Variants in R3HCC1L observed in about 807,000 individuals in gnomAD.
R3HCC1L encodes coiled-coil domain-containing protein R3HCC1L.
Under a neutral mutation model 59.9 loss-of-function variants are expected in R3HCC1L, and 51 were observed. The ratio of observed to expected loss-of-function variants is 0.85; its 90% CI spans 0.68 to 1.07. The LOEUF (loss-of-function observed/expected upper bound fraction) is 1.07. Ranked by LOEUF, R3HCC1L falls within the 50% of genes least tolerant of loss-of-function variation. The pLI is 0.00. For missense variants in R3HCC1L, 965 were observed against 933.0 expected, an observed-to-expected ratio of 1.03 and a Z score of -0.45; for synonymous variants, 322 against 315.2, an observed-to-expected ratio of 1.02 and a Z score of -0.23.
At chr10:98,218,181 C>T (rs1447425211) in intron 5 of R3HCC1L, among the ~76,000 whole-genome samples, 1 of 151,750 alleles carries the variant, frequency 6.6e-6, no homozygotes, top group African/African-American at 2.4e-5. Context: ...AGGTATGTTT[C>T]TTCTATTTCT....
intron 4 of R3HCC1L, among the ~76,000 whole-genome samples, chr10:98,164,153 T>C (rs1847714641): frequency 6.6e-6 from 1 of 152,214 alleles, no homozygotes; most frequent in East Asian, 1.9e-4. Context: ...AATATACTCA[T>C]GTGCTGCTGA....
chr10:98,215,975 A>G (rs1271817922), intron 5 of R3HCC1L, among the ~76,000 whole-genome samples: 1 of 152,230 alleles, frequency 6.6e-6, no homozygotes, highest in East Asian at 1.9e-4. Context: ...AAGACAGAAC[A>G]TGAGCAGAAA....
At chr10:98,204,119 A>G (rs1413127431) in intron 4 of R3HCC1L, among the ~76,000 whole-genome samples, 2 of 152,230 alleles carry the variant, frequency 1.3e-5, no homozygotes, top group African/African-American at 4.8e-5. Flanking sequence ...AAAAGAGAGA[A>G]AATAATCGGC....
At chr10:98,243,705 A>G (rs987004357) in intron 9 of R3HCC1L, among the ~76,000 whole-genome samples, 1 of 152,220 alleles carries the variant, frequency 6.6e-6, no homozygotes, top group African/African-American at 2.4e-5. Flanking sequence ...CATATCCTTG[A>G]TACTTATTGA....
intron 4 of R3HCC1L, among the ~76,000 whole-genome samples, chr10:98,198,433 G>GT (rs1286377748): frequency 6.6e-6 from 1 of 151,722 alleles, no homozygotes; most frequent in East Asian, 1.9e-4. Flanking sequence ...TGAGAAGAAA[G>GT]AATACTCTTG....
Position 98,236,178 on chromosome 10 carries a change from G to T in R3HCC1L, c.2269+14G>T. 6.2e-7 allele frequency: 1 copy of T among 1,613,186 alleles called. No individual in the cohort carries two copies. The highest frequency in any genetic ancestry group is 8.5e-7 in the Non-Finnish European group (1 of 1,179,608). ...AAGAAGCCAGAGGTGAGCTGAAAGG[G>T]TGGTGTTCTTCTCTAGGCCCTTCAG... On this transcript the variant is annotated intron_variant, in intron 9 of 9. Transcript: ENST00000298999.
intron 9 of R3HCC1L, among the ~76,000 whole-genome samples, chr10:98,239,287 A>T (rs956720548): frequency 2.0e-5 from 3 of 152,200 alleles, no homozygotes; most frequent in Non-Finnish European, 4.4e-5. Flanking sequence ...CTCTCCATCC[A>T]TTACAAGTGG....
At chr10:98,233,672 T>C (rs1029273156) in intron 6 of R3HCC1L, among the ~76,000 whole-genome samples, 7 of 152,206 alleles carry the variant, frequency 4.6e-5, no homozygotes, top group Non-Finnish European at 8.8e-5. Context: ...AACTGTTATG[T>C]CATCATCCTG....
chr10:98,191,618 A>G (rs1850863313), intron 4 of R3HCC1L, among the ~76,000 whole-genome samples: 1 of 152,116 alleles, frequency 6.6e-6, no homozygotes, highest in Admixed American at 6.5e-5. Flanking sequence ...GTGCACTCTG[A>G]TGGTAGTTTC....
chr10:98,190,332 A>T (rs1850692917), intron 4 of R3HCC1L, among the ~76,000 whole-genome samples: 2 of 151,960 alleles, frequency 1.3e-5, no homozygotes, highest in African/African-American at 4.8e-5. Flanking sequence ...TATATTTTTT[A>T]TTTTATTATT....
intron 4 of R3HCC1L, among the ~76,000 whole-genome samples, chr10:98,177,565 C>G (rs1300049682): frequency 6.6e-6 from 1 of 152,194 alleles, no homozygotes; most frequent in Non-Finnish European, 1.5e-5. Context: ...ATGGCTGGGT[C>G]AAATGGTATT....
intron 5 of R3HCC1L, among the ~76,000 whole-genome samples, chr10:98,229,377 C>T (rs1016143161): frequency 9.7e-5 from 13 of 133,986 alleles, no homozygotes; most frequent in African/African-American, 3.4e-4. Flanking sequence ...CATGATTTGG[C>T]TGTTTGTCTG....
At chr10:98,149,829 T>A (rs1455875302) in intron 1 of R3HCC1L, among the ~76,000 whole-genome samples, 1 of 152,236 alleles carries the variant, frequency 6.6e-6, no homozygotes, top group African/African-American at 2.4e-5. Context: ...TCAGGCTGAT[T>A]TCTTCTAGTG....
chr10:98,225,041 TA>T (rs1341286879), intron 5 of R3HCC1L, among the ~76,000 whole-genome samples: 4 of 152,224 alleles, frequency 2.6e-5, no homozygotes, highest in Admixed American at 2.6e-4. Flanking sequence ...GTAATCGGTA[TA>T]AAAAATTATT....
At chr10:98,135,737 C>G (rs555825140) in intron 1 of R3HCC1L, among the ~76,000 whole-genome samples, 1 of 152,310 alleles carries the variant, frequency 6.6e-6, no homozygotes, top group African/African-American at 2.4e-5. Context: ...AGAATTTAGA[C>G]TCTTCTTCCT....
In R3HCC1L at chr10:98,208,761, T is replaced by C. The variant is rs1590715747; in HGVS notation, c.647T>C (p.Ile216Thr). The C allele has an allele frequency of 6.2e-7, 1 of 1,613,994 alleles. No individual in the cohort carries two copies. Among genetic ancestry groups the C allele is most frequent in the Admixed American group, 1.7e-5 (1 of 59,996 alleles). The change falls in exon 5 of 10, where the codon ATA becomes ACA. Residue 216 changes from isoleucine to threonine, a missense_variant. By Grantham distance (89) the Ile-to-Thr change is moderately conservative. Transcript: ENST00000298999. ...RIETDTKVLE[I>T]LYEFPRVFSS... is the part of the protein sequence containing the mutation. ...GAAACTGATACCAAGGTTTTGGAGA[T>C]ACTATATGAGTTTCCTAGAGTTTTT...
chr10:98,205,371 A>G (rs924631300), intron 4 of R3HCC1L, among the ~76,000 whole-genome samples: 1 of 152,226 alleles, frequency 6.6e-6, no homozygotes, highest in Admixed American at 6.5e-5. Context: ...AATGCCATAA[A>G]TAGGGCTTGA....
chr10:98,187,554 G>A (rs1160601016), intron 4 of R3HCC1L, among the ~76,000 whole-genome samples: 1 of 152,000 alleles, frequency 6.6e-6, no homozygotes, highest in African/African-American at 2.4e-5. Flanking sequence ...GAATGAAGTA[G>A]GTTTTTTGGA....
intron 2 of R3HCC1L, among the ~76,000 whole-genome samples, chr10:98,160,376 T>C (rs139403761): frequency 6.6e-6 from 1 of 152,334 alleles, no homozygotes; most frequent in East Asian, 1.9e-4. Flanking sequence ...GATATCTCAC[T>C]GATATTTTAA....
Sources: gnomAD v4.1 joint callset for allele counts (sites outside exome capture counted in the v4.1 genomes callset) on GRCh38, gnomAD v4.1.1 for gene constraint, MANE v1.5 for transcripts, NCBI Gene and HGNC (gene_info 2026-07-23, HGNC 2026-07-21) for gene names.